The following NUSAP1 variants were observed in gnomAD, a reference collection of about 807,000 sequenced individuals.
NUSAP1 encodes the protein nucleolar and spindle-associated protein 1.
NUSAP1 carries 32 observed loss-of-function variants against 52.8 expected under a neutral mutation model. The ratio of observed to expected loss-of-function variants is 0.61; its 90% confidence interval spans 0.46 to 0.81. The LOEUF is 0.81. Ranked by LOEUF, NUSAP1 falls within the 40% of genes least tolerant of loss-of-function variation. The pLI is 0.00. For synonymous variants in NUSAP1, 195 were observed against 183.1 expected (o/e 1.06, Z -0.52); for missense variants, 499 against 522.3 (o/e 0.96, Z 0.43).
At chr15:41,350,518 A>T (rs2048739861) in intron 3 of NUSAP1, among the ~76,000 whole-genome samples, 1 of 151,778 alleles carries the variant, frequency 6.6e-6, no homozygotes, top group South Asian at 2.1e-4. Flanking sequence ...TCTGGAGCTT[A>T]TTCCTTTGGC....
At chr15:41,369,187 A>G (rs2049553403) in intron 7 of NUSAP1, among the ~76,000 whole-genome samples, 1 of 152,126 alleles carries the variant, frequency 6.6e-6, no homozygotes. Context: ...CTGGGATTAT[A>G]GGTGTGAACC....
chr15:41,346,704 G>A (rs1595543115), intron 2 of NUSAP1, among the ~76,000 whole-genome samples: 1 of 151,666 alleles, frequency 6.6e-6, no homozygotes, highest in East Asian at 1.9e-4. Context: ...GCACGCACCT[G>A]TAGTCCCAGC....
chr15:41,375,596 C>A, intron 8 of NUSAP1, 116 bp from the exon 9 acceptor site: 1 of 690,548 alleles, frequency 1.4e-6, no homozygotes, highest in Admixed American at 2.4e-5. Flanking sequence ...CAGGTGTGGG[C>A]CACCATGCCC....
chr15:41,333,876 C>T (rs1487478286), intron 1 of NUSAP1, among the ~76,000 whole-genome samples: 1 of 152,308 alleles, frequency 6.6e-6, no homozygotes, highest in Admixed American at 6.5e-5. Context: ...CGCACCACTG[C>T]ACTCCAACTT....
At chr15:41,361,600 TA>T (rs1240649878) in intron 6 of NUSAP1, among the ~76,000 whole-genome samples, 2 of 152,104 alleles carry the variant, frequency 1.3e-5, no homozygotes, top group Non-Finnish European at 2.9e-5. Context: ...TATTTTGTAA[TA>T]TGGATGACAT....
intron 1 of NUSAP1, among the ~76,000 whole-genome samples, chr15:41,334,937 A>G (rs1344947760): frequency 6.6e-6 from 1 of 152,076 alleles, no homozygotes; most frequent in Non-Finnish European, 1.5e-5. Context: ...AAGGAAAAAG[A>G]GAGGGAAACT....
intron 2 of NUSAP1, among the ~76,000 whole-genome samples, chr15:41,344,378 C>T (rs556988568): frequency 1.3e-4 from 20 of 151,764 alleles, no homozygotes; most frequent in Non-Finnish European, 2.9e-4. Flanking sequence ...GTGGCTCACA[C>T]CTGTAATCCC....
chr15:41,356,213 G>T, intron 5 of NUSAP1, 73 bp downstream of exon 5: 1 of 850,052 alleles, frequency 1.2e-6, no homozygotes, highest in Non-Finnish European at 1.9e-6. Flanking sequence ...TGTAACAGCT[G>T]AAAGCATAGA....
intron 2 of NUSAP1, among the ~76,000 whole-genome samples, chr15:41,346,557 G>A (rs112831182): frequency 0.02 from 3,102 of 151,958 alleles, 112 homozygotes; most frequent in African/African-American, 0.071. Flanking sequence ...GGCTGGGTGC[G>A]GTGGCTCAGG....
intron 2 of NUSAP1, chr15:41,345,562 C>G: frequency 2.7e-6 from 1 of 374,544 alleles, no homozygotes; most frequent in Non-Finnish European, 5.1e-6. Flanking sequence ...TGAGTTAAAG[C>G]GATTCTCCTG....
At chr15:41,361,038 G>T (rs1003449609) in intron 6 of NUSAP1, among the ~76,000 whole-genome samples, 1 of 151,928 alleles carries the variant, frequency 6.6e-6, no homozygotes, top group African/African-American at 2.4e-5. Flanking sequence ...AGGTTGCAGT[G>T]CATGGAGGTC....
intron 7 of NUSAP1, among the ~76,000 whole-genome samples, chr15:41,368,963 G>T (rs1017453324): frequency 6.6e-6 from 1 of 151,824 alleles, no homozygotes; most frequent in African/African-American, 2.4e-5. Flanking sequence ...TGCTGACCAG[G>T]CTGGTCTAGA....
intron 7 of NUSAP1, among the ~76,000 whole-genome samples, chr15:41,368,249 C>T (rs1320050881): frequency 3.3e-5 from 5 of 152,046 alleles, no homozygotes; most frequent in Admixed American, 2.6e-4. Context: ...AACTCCTGGC[C>T]TCAAGCGATC....
In NUSAP1 at chr15:41,342,590, C is replaced by T. The variant is rs188554039; in HGVS notation, c.162+136C>T. ...TTGTGGCTCACGCCTATACTCCTAGCACTTTGGTAGGCAGTGGCAGGCGGA... is the reference window on the plus strand; with the variant it reads ...TTGTGGCTCACGCCTATACTCCTAGTACTTTGGTAGGCAGTGGCAGGCGGA... On this transcript the variant is annotated intron_variant, in intron 2 of 10. Coordinates refer to ENST00000559596, the MANE Select transcript of NUSAP1 (RefSeq NM_016359.5). 1.3e-4 allele frequency: 82 copies of T among 651,144 alleles called. 1 individual carries two copies. Among genetic ancestry groups the T allele is most frequent in the East Asian group, 7.3e-4 (24 of 33,026 alleles). The allele number at this position is 651,144 out of a possible 1,614,324, so 40.3% of individuals were successfully genotyped here. A position where few individuals can be genotyped will look rare whatever the true frequency, so the allele number is the denominator to read the frequency against.
chr15:41,350,689 A>G (rs1252717300), intron 3 of NUSAP1, among the ~76,000 whole-genome samples: 1 of 152,100 alleles, frequency 6.6e-6, no homozygotes, highest in Non-Finnish European at 1.5e-5. Flanking sequence ...TATTATTTAA[A>G]TTTCTGCCTC....
At chr15:41,341,617 C>T (rs1010178599) in intron 1 of NUSAP1, among the ~76,000 whole-genome samples, 2 of 152,168 alleles carry the variant, frequency 1.3e-5, no homozygotes, top group African/African-American at 4.8e-5. Context: ...CCTCAACTCT[C>T]ATGTTCACAC....
intron 5 of NUSAP1, among the ~76,000 whole-genome samples, chr15:41,356,555 A>G (rs2048980740): frequency 6.6e-6 from 1 of 151,872 alleles, no homozygotes. Context: ...GGGTTTCACC[A>G]TGTTGGCCAG....
At chr15:41,341,978 C>G (rs993394289) in intron 1 of NUSAP1, among the ~76,000 whole-genome samples, 5 of 152,232 alleles carry the variant, frequency 3.3e-5, no homozygotes, top group African/African-American at 1.2e-4. Flanking sequence ...TCATTGTTGC[C>G]TTGCTGTGCC....
intron 2 of NUSAP1, among the ~76,000 whole-genome samples, chr15:41,345,040 C>T (rs745615126): frequency 6.6e-5 from 10 of 152,142 alleles, no homozygotes; most frequent in African/African-American, 9.7e-5. Flanking sequence ...CTCACTCTAA[C>T]CCAGGCTGGA....
Sources: gnomAD v4.1 joint callset for allele counts (sites outside exome capture counted in the v4.1 genomes callset) on GRCh38, gnomAD v4.1.1 for gene constraint, MANE v1.5 for transcripts, NCBI Gene and HGNC (gene_info 2026-07-23, HGNC 2026-07-21) for gene names.